Variants in DCDC1 observed in about 807,000 individuals in gnomAD.
DCDC1 encodes doublecortin domain-containing protein 1.
Under a neutral mutation model 178.3 loss-of-function variants are expected in DCDC1, and 200 were observed. The observed-to-expected ratio is 1.12, with a 90% CI of 1.00 to 1.26. The LOEUF is 1.26. Among genes scored for constraint, DCDC1 ranks in the 50% most tolerant of loss-of-function variants. The pLI is 0.00. For missense variants in DCDC1, 1,983 were observed against 1,749.2 expected (o/e 1.13, Z -2.38); for synonymous variants, 690 against 604.8 (o/e 1.14, Z -2.07).
At chr11:31,015,043 T>A (rs908495867) in intron 20 of DCDC1, among the ~76,000 whole-genome samples, 3 of 151,904 alleles carry the variant, frequency 2.0e-5, no homozygotes, top group Non-Finnish European at 4.4e-5. Flanking sequence ...GCCTCCCAGT[T>A]TCACGCCATT....
At chr11:31,239,349 T>C (rs1976833239) in intron 9 of DCDC1, among the ~76,000 whole-genome samples, 2 of 151,972 alleles carry the variant, frequency 1.3e-5, no homozygotes, top group African/African-American at 4.8e-5. Flanking sequence ...AATAAAGATA[T>C]TGTCAGGCTT....
At chr11:31,053,096 C>T (rs550332046) in intron 20 of DCDC1, among the ~76,000 whole-genome samples, 7 of 151,856 alleles carry the variant, frequency 4.6e-5, no homozygotes, top group South Asian at 4.2e-4. Flanking sequence ...GTAAGATTAA[C>T]GAAGAAAAGA....
chr11:30,997,612 C>A (rs1951341192), intron 20 of DCDC1, among the ~76,000 whole-genome samples: 1 of 152,122 alleles, frequency 6.6e-6, no homozygotes, highest in Non-Finnish European at 1.5e-5. Flanking sequence ...TATTCTGACA[C>A]TCTTTTTTAT....
Position 30,903,575 on chromosome 11 carries a change from G to A in DCDC1, c.4417C>T (p.Leu1473=). 5.0e-6 allele frequency: 8 copies of A among 1,609,534 alleles called. No individual in the cohort carries two copies. Among genetic ancestry groups the A allele is most frequent in the Non-Finnish European group, 6.8e-6 (8 of 1,177,848 alleles). Reference sequence around the variant, plus strand: ...TCTCTCTGGAGAAAGGATTCATCTAGAGCCCATAAAACCAAATCACGCAAG... The same window carrying A: ...TCTCTCTGGAGAAAGGATTCATCTAAAGCCCATAAAACCAAATCACGCAAG... ...FTLRDLVLWA[L]DESFLQRDSE... Residue 1473 remains leucine (L), a synonymous_variant, in exon 32 of 39, where the codon CTA becomes TTA. Coordinates refer to ENST00000684477, the MANE Select transcript of DCDC1 (RefSeq NM_001387274.1).
chr11:31,145,751 G>T (rs1964372940), intron 9 of DCDC1, among the ~76,000 whole-genome samples: 1 of 152,136 alleles, frequency 6.6e-6, no homozygotes, highest in Non-Finnish European at 1.5e-5. Flanking sequence ...ATGTTTTGGA[G>T]AATTCATAAA....
intron 9 of DCDC1, among the ~76,000 whole-genome samples, chr11:31,218,586 G>A (rs752652820): frequency 1.3e-5 from 2 of 151,850 alleles, no homozygotes; most frequent in Non-Finnish European, 2.9e-5. Flanking sequence ...AGAGCTTCCA[G>A]AACTAAATTT....
rs552908854 is a variant in DCDC1 at position 31,345,442 on chromosome 11, C to T, written c.-124-9878G>A. On this transcript the variant is annotated intron_variant, in intron 1 of 38. Transcript: ENST00000684477. Reference sequence around the variant, plus strand: ...CTCTTAAAACTAGAAACTCTATCTCCATCACCTATATTCACATGCATCCTG... The same window carrying T: ...CTCTTAAAACTAGAAACTCTATCTCTATCACCTATATTCACATGCATCCTG... 4.6e-5 allele frequency among the ~76,000 whole-genome samples: 7 copies of T among 152,254 alleles called. No homozygotes were observed. In the South Asian group the frequency reaches 1.2e-3, roughly 27 times the overall value.
intron 15 of DCDC1, among the ~76,000 whole-genome samples, chr11:31,095,104 C>T (rs970451982): frequency 3.3e-5 from 5 of 152,052 alleles, no homozygotes; most frequent in African/African-American, 1.2e-4. Context: ...TCATCCATGT[C>T]CCTGCAAAGG....
At chr11:31,012,522 C>G (rs1041041385) in intron 20 of DCDC1, among the ~76,000 whole-genome samples, 1 of 151,320 alleles carries the variant, frequency 6.6e-6, no homozygotes, top group Non-Finnish European at 1.5e-5. Context: ...GGGAGGATCA[C>G]TGAGCCTGAG....
At chr11:31,334,609 T>C (rs1461541472) in intron 2 of DCDC1, among the ~76,000 whole-genome samples, 1 of 152,206 alleles carries the variant, frequency 6.6e-6, no homozygotes, top group Non-Finnish European at 1.5e-5. Context: ...TTCCTTTCTG[T>C]TTGTTAGTTT....
intron 20 of DCDC1, among the ~76,000 whole-genome samples, chr11:30,988,036 G>C (rs1004743308): frequency 5.9e-5 from 9 of 151,882 alleles, no homozygotes; most frequent in African/African-American, 2.2e-4. Context: ...ACAGAGGTGG[G>C]CAGAAGCCAG....
At chr11:31,218,919 A>G (rs1324020584) in intron 9 of DCDC1, among the ~76,000 whole-genome samples, 1 of 152,160 alleles carries the variant, frequency 6.6e-6, no homozygotes, top group Non-Finnish European at 1.5e-5. Context: ...TAGATGGCAG[A>G]GCATTCTGAG....
chr11:31,341,902 C>T (rs1276829515), intron 1 of DCDC1, among the ~76,000 whole-genome samples: 1 of 151,176 alleles, frequency 6.6e-6, no homozygotes, highest in Non-Finnish European at 1.5e-5. Flanking sequence ...TTTCAAAGAC[C>T]ATGTTGCCTT....
intron 36 of DCDC1, among the ~76,000 whole-genome samples, chr11:30,889,323 C>T (rs576252165): frequency 6.6e-6 from 1 of 152,148 alleles, no homozygotes; most frequent in Non-Finnish European, 1.5e-5. Flanking sequence ...AAGAACATGG[C>T]TAAATCATCC....
At chr11:31,182,509 T>C (rs1189705628) in intron 9 of DCDC1, among the ~76,000 whole-genome samples, 1 of 152,144 alleles carries the variant, frequency 6.6e-6, no homozygotes, top group African/African-American at 2.4e-5. Context: ...AATAAAGTAC[T>C]TTATGGACAA....
intron 9 of DCDC1, among the ~76,000 whole-genome samples, chr11:31,218,134 A>C (rs991531149): frequency 6.6e-6 from 1 of 152,104 alleles, no homozygotes; most frequent in Non-Finnish European, 1.5e-5. Context: ...AAGTCGTAAT[A>C]TAAATATTTC....
intron 9 of DCDC1, among the ~76,000 whole-genome samples, chr11:31,175,951 A>T (rs916503456): frequency 2.6e-5 from 4 of 152,224 alleles, no homozygotes; most frequent in Non-Finnish European, 5.9e-5. Flanking sequence ...CAACTATCCC[A>T]CTAGATGCAC....
intron 1 of DCDC1, among the ~76,000 whole-genome samples, chr11:31,351,314 G>C (rs1269633267): frequency 6.6e-6 from 1 of 152,002 alleles, no homozygotes; most frequent in Non-Finnish European, 1.5e-5. Context: ...CTTTGAAAAG[G>C]TGTTCTGAAT....
chr11:31,129,138 G>A (rs1962070855), intron 10 of DCDC1, among the ~76,000 whole-genome samples: 1 of 150,362 alleles, frequency 6.7e-6, no homozygotes, highest in Admixed American at 6.7e-5. Context: ...AGAGAAGTTA[G>A]TGACAGCCAG....
Sources: gnomAD v4.1 joint callset for allele counts (sites outside exome capture counted in the v4.1 genomes callset) on GRCh38, gnomAD v4.1.1 for gene constraint, MANE v1.5 for transcripts, NCBI Gene and HGNC (gene_info 2026-07-23, HGNC 2026-07-21) for gene names.